Variants in EHMT1 observed in about 807,000 individuals in gnomAD.
The protein encoded by EHMT1 is histone-lysine N-methyltransferase EHMT1.
EHMT1 carries 15 observed loss-of-function variants against 147.2 expected under a neutral mutation model. The observed-to-expected ratio is 0.10, with a 90% CI of 0.07 to 0.16. The LOEUF (loss-of-function observed/expected upper bound fraction) is 0.16, where lower values mean the gene tolerates loss of function less well. Ranked by LOEUF, EHMT1 falls within the 10% of genes least tolerant of loss-of-function variation. The pLI is 1.00. For synonymous variants in EHMT1, 795 were observed against 709.6 expected (o/e 1.12, Z -1.91); for missense variants, 1,587 against 1,772.4 (o/e 0.90, Z 1.88).
At chr9:137,741,346 G>T (rs1948063627) in intron 4 of EHMT1, among the ~76,000 whole-genome samples, 5 of 150,432 alleles carry the variant, frequency 3.3e-5, no homozygotes, top group Admixed American at 3.3e-4. Flanking sequence ...TTCATTACAG[G>T]AGTCAGCAAA....
At chr9:137,700,566 C>T (rs553262752) in intron 1 of EHMT1, among the ~76,000 whole-genome samples, 10 of 152,240 alleles carry the variant, frequency 6.6e-5, no homozygotes, top group East Asian at 3.9e-4. Context: ...CTCATTAGTC[C>T]GCTGTTCTCC....
intron 1 of EHMT1, among the ~76,000 whole-genome samples, chr9:137,655,620 G>C (rs1364761880): frequency 6.6e-6 from 1 of 152,170 alleles, no homozygotes; most frequent in East Asian, 1.9e-4. Flanking sequence ...GGCCCATTAG[G>C]AACTGGGCCA....
In EHMT1 at chr9:137,779,698, G is replaced by A. The variant is rs779555022; in HGVS notation, c.2256G>A (p.Gln752=). The A allele has an allele frequency of 6.2e-7, 1 of 1,613,762 alleles. No homozygotes were observed. The highest frequency in any genetic ancestry group is 2.2e-5 in the East Asian group (1 of 44,882). The part of the protein sequence containing the change: ...LYFSARQGEL[Q]KVLLMLVDGI... Reference sequence around the variant, plus strand: ...TCTCCGCCAGGCAAGGGGAGCTTCAGAAGGTGCTCCTCATGCTGGGTAAGT... The same window carrying A: ...TCTCCGCCAGGCAAGGGGAGCTTCAAAAGGTGCTCCTCATGCTGGGTAAGT... Residue 752 remains glutamine, a synonymous_variant, in exon 14 of 27, where the codon CAG becomes CAA. Coordinates refer to ENST00000460843, the MANE Select transcript of EHMT1 (RefSeq NM_024757.5).
At position 137,671,678 on chromosome 9, in the gene EHMT1, C is replaced by T. The variant is rs138102228; in HGVS notation, c.22-39289C>T. On this transcript the variant is annotated intron_variant, in intron 1 of 26. Coordinates refer to ENST00000460843, the MANE Select transcript of EHMT1 (RefSeq NM_024757.5). ...TAGCTTGGACTACAGGCGTGTGCCA[C>T]CATGCCCAGCTAATTTTTTGGGTAT... is the stretch of plus-strand genomic sequence containing the variant. Among the ~76,000 whole-genome samples the T allele has an allele frequency of 6.1e-3, 921 of 152,118 alleles. 7 individuals are homozygous for T. The highest frequency in any genetic ancestry group is 0.021 in the African/African-American group (882 of 41,506).
In EHMT1 at chr9:137,835,183, G is replaced by A. The variant is rs931134143; in HGVS notation, c.*230G>A. 9.3e-6 allele frequency: 4 copies of A among 430,420 alleles called. No homozygotes were observed. Among genetic ancestry groups the A allele is most frequent in the East Asian group, 8.3e-5 (2 of 24,192 alleles). 26.7% of individuals were successfully genotyped at this position (430,420 alleles called of 1,614,324 possible). A position where few individuals can be genotyped will look rare whatever the true frequency, so the allele number is the denominator to read the frequency against. On this transcript the variant is annotated 3_prime_UTR_variant, in exon 27 of 27. Coordinates refer to ENST00000460843, the MANE Select transcript of EHMT1 (RefSeq NM_024757.5). ...GCGGGCCCAGTGCCCAGGCTGGAGCGCACACTTTGGTCCGCGCGCCAGAGA... is the reference window on the plus strand; with the variant it reads ...GCGGGCCCAGTGCCCAGGCTGGAGCACACACTTTGGTCCGCGCGCCAGAGA...
chr9:137,827,658 C>T (rs1025592196), intron 25 of EHMT1, among the ~76,000 whole-genome samples: 9 of 152,212 alleles, frequency 5.9e-5, no homozygotes, highest in African/African-American at 2.2e-4. Flanking sequence ...CAGCCCATTC[C>T]CCACTGACTG....
chr9:137,720,188 C>A (rs1289302070), intron 3 of EHMT1, among the ~76,000 whole-genome samples: 2 of 151,994 alleles, frequency 1.3e-5, no homozygotes, highest in Non-Finnish European at 2.9e-5. Context: ...CACACCAGGG[C>A]ACAGTCGAGA....
At chr9:137,622,963 C>T (rs147104243) in intron 1 of EHMT1, among the ~76,000 whole-genome samples, 76 of 150,676 alleles carry the variant, frequency 5.0e-4, no homozygotes, top group Middle Eastern at 3.5e-3. Flanking sequence ...GTAATCCCAG[C>T]ACTTTGGGAG....
intron 1 of EHMT1, among the ~76,000 whole-genome samples, chr9:137,678,173 G>C (rs536923115): frequency 6.6e-6 from 1 of 152,236 alleles, no homozygotes; most frequent in East Asian, 1.9e-4. Context: ...AAATCTGTAA[G>C]GGATATACTA....
In EHMT1 at chr9:137,790,877, A is replaced by G. The variant is rs761601266; in HGVS notation, c.2412A>G (p.Glu804=). 4 of 1,614,200 alleles carry G rather than the reference A, an allele frequency of 2.5e-6. No individual in the cohort carries two copies. The South Asian group carries it at 4.4e-5, about 18-fold the overall frequency. ...GCGCTAATATTGACACCTGCTCAGAAGACCAGAGGACCCCGTTGATGGAAG... is the reference window on the plus strand; with the variant it reads ...GCGCTAATATTGACACCTGCTCAGAGGACCAGAGGACCCCGTTGATGGAAG... The part of the protein sequence containing the change: ...QAGANIDTCS[E]DQRTPLMEAA... Residue 804 remains glutamate (E), a synonymous_variant, in exon 16 of 27, where the codon GAA becomes GAG. Coordinates refer to ENST00000460843, the MANE Select transcript of EHMT1 (RefSeq NM_024757.5).
chr9:137,798,458 G>A (rs1953147583), intron 16 of EHMT1, among the ~76,000 whole-genome samples: 1 of 152,204 alleles, frequency 6.6e-6, no homozygotes, highest in Admixed American at 6.5e-5. Flanking sequence ...GGAAGCAAGA[G>A]GAGGGCAGAG....
At chr9:137,766,674 T>C (rs1207743602) in intron 10 of EHMT1, among the ~76,000 whole-genome samples, 2 of 152,222 alleles carry the variant, frequency 1.3e-5, no homozygotes, top group African/African-American at 4.8e-5. Context: ...TTGTCTGATA[T>C]TAACATAGCT....
rs779549255 is a variant in EHMT1, at chr9:137,743,973, C to G, written c.1053C>G (p.Asp351Glu). The change falls in exon 6 of 27, where the codon GAC becomes GAG. Residue 351 changes from aspartate to glutamate, a missense_variant. Coordinates refer to ENST00000460843, the MANE Select transcript of EHMT1 (RefSeq NM_024757.5). The stretch of plus-strand genomic sequence containing the variant: ...GCCTGGAGATGGACTCGGATGAGGA[C>G]GACTCAGAGGAGCTCGAGGAGGACG... ...GESLEMDSDEDDSEELEEDDG... is the reference protein window; with the variant it reads ...GESLEMDSDEEDSEELEEDDG... 1 of 1,613,920 alleles carries G rather than the reference C, an allele frequency of 6.2e-7. No individual in the cohort carries two copies. The highest frequency in any genetic ancestry group is 8.5e-7 in the Non-Finnish European group (1 of 1,179,956).
At chr9:137,769,104 A>T (rs1312714830) in intron 10 of EHMT1, among the ~76,000 whole-genome samples, 2 of 152,228 alleles carry the variant, frequency 1.3e-5, no homozygotes, top group Non-Finnish European at 2.9e-5. Context: ...TACAATACAC[A>T]TCTTTAATTT....
chr9:137,818,159 G>T (rs1184515112), intron 25 of EHMT1, 21 bp downstream of exon 25: 3 of 1,613,438 alleles, frequency 1.9e-6, no homozygotes, highest in Non-Finnish European at 2.5e-6. Flanking sequence ...TTGTGGGGTT[G>T]GGGCCACGCA....
chr9:137,716,575 G>C (rs554697991), intron 2 of EHMT1, 51 bp from the exon 3 acceptor site: 2 of 1,519,286 alleles, frequency 1.3e-6, no homozygotes, highest in East Asian at 4.5e-5. Flanking sequence ...TGGTGGTGGT[G>C]CCATGGAGAG....
chr9:137,799,580 A>G (rs1417825183), intron 17 of EHMT1, among the ~76,000 whole-genome samples: 1 of 152,124 alleles, frequency 6.6e-6, no homozygotes, highest in Non-Finnish European at 1.5e-5. Flanking sequence ...TCCTGCATGG[A>G]TTGAGGCTGC....
intron 10 of EHMT1, among the ~76,000 whole-genome samples, chr9:137,767,738 G>A (rs967809616): frequency 2.0e-5 from 3 of 152,100 alleles, no homozygotes; most frequent in South Asian, 2.1e-4. Context: ...TCTTGAACCC[G>A]GGAGGTGGAG....
Position 137,716,631 on chromosome 9 carries a change from C to T in EHMT1, c.91C>T (p.Pro31Ser), listed in dbSNP as rs759512176. 1 of 1,565,026 alleles carries T rather than the reference C, an allele frequency of 6.4e-7. No individual in the cohort carries two copies. The highest frequency in any genetic ancestry group is 8.7e-7 in the Non-Finnish European group (1 of 1,153,696). ...VKTELLGEET[P>S]MAADEGSAEK... ...ACTCGTTTCTTTGTTGGCAGAGACA[C>T]CTATGGCTGCCGATGAAGGCTCAGC... The change falls in exon 3 of 27, where the codon CCT (proline) becomes TCT (serine). Residue 31 changes from proline to serine, a missense_variant. Physicochemically the swap from Pro to Ser is moderately conservative, Grantham distance 74. This residue lies in a region of EHMT1 where 810 missense variants were observed against 673.0 expected (regional missense o/e 1.20). Transcript: ENST00000460843.
Sources: allele counts gnomAD v4.1 joint callset (sites outside exome capture counted in the v4.1 genomes callset), GRCh38; gene constraint gnomAD v4.1.1; regional missense constraint gnomAD v4.1.1; transcripts MANE v1.5; gene names NCBI Gene and HGNC (gene_info 2026-07-23, HGNC 2026-07-21).